The following FMN1 variants were observed in gnomAD, a reference collection of about 807,000 sequenced individuals.
FMN1 encodes the protein formin 1.
A neutral mutation model predicts 132.4 loss-of-function variants in FMN1; 110 were observed. The observed-to-expected ratio is 0.83, with a 90% confidence interval of 0.71 to 0.97. The LOEUF is 0.97. Ranked by LOEUF, FMN1 falls within the 50% of genes least tolerant of loss-of-function variation. The pLI is 0.00. For missense variants in FMN1, 1,792 were observed against 1,705.3 expected, an observed-to-expected ratio of 1.05 and a Z score of -0.90; for synonymous variants, 722 against 651.7, an observed-to-expected ratio of 1.11 and a Z score of -1.64.
intron 7 of FMN1, among the ~76,000 whole-genome samples, chr15:33,002,229 G>C (rs2034159053): frequency 6.6e-6 from 1 of 152,108 alleles, no homozygotes; most frequent in African/African-American, 2.4e-5. Flanking sequence ...TTCTAGAAAG[G>C]CATGTTGAAG....
At chr15:32,793,298 T>A (rs1414063743) in intron 19 of FMN1, among the ~76,000 whole-genome samples, 1 of 152,076 alleles carries the variant, frequency 6.6e-6, no homozygotes, top group Non-Finnish European at 1.5e-5. Context: ...CTTTTTTTTT[T>A]AAAGACAGTC....
intron 5 of FMN1, among the ~76,000 whole-genome samples, chr15:33,075,159 G>T (rs2038159010): frequency 6.6e-6 from 1 of 151,620 alleles, no homozygotes; most frequent in South Asian, 2.1e-4. Flanking sequence ...CTGGAAACTG[G>T]TAAGAACAGT....
intron 9 of FMN1, among the ~76,000 whole-genome samples, chr15:32,930,260 T>TACAG (rs1245538976): frequency 1.3e-5 from 2 of 152,144 alleles, no homozygotes; most frequent in African/African-American, 4.8e-5. Context: ...ATGCTGGGAT[T>TACAG]ACAGGCGTGA....
chr15:33,001,537 T>G, intron 7 of FMN1, among the ~76,000 whole-genome samples: 1 of 145,734 alleles, frequency 6.9e-6, no homozygotes. Context: ...TCCAAGTGCG[T>G]CCCCCCTCAT....
rs151336503 is a variant in FMN1 at position 33,013,691 on chromosome 15, A to C, written c.2162-5616T>G. 3.5e-3 allele frequency among the ~76,000 whole-genome samples: 534 copies of C among 152,344 alleles called. 5 individuals are homozygous for C. Among genetic ancestry groups the C allele is most frequent in the African/African-American group, 0.012 (505 of 41,576 alleles). The stretch of plus-strand genomic sequence containing the variant: ...AGAACATCTGAATTCATAAAATAAG[A>C]AGCAGAAAGTGACTTAGTAAGTTTA... On this transcript the variant is annotated intron_variant, in intron 6 of 20. Transcript: ENST00000616417.
At chr15:32,893,241 T>C (rs11072039) in intron 15 of FMN1, among the ~76,000 whole-genome samples, 28,605 of 152,246 alleles carry the variant, frequency 0.19, 2,841 homozygotes, top group East Asian at 0.22. Flanking sequence ...CTCATCTGAG[T>C]GCCAAGATGG....
intron 9 of FMN1, among the ~76,000 whole-genome samples, chr15:32,937,064 C>T (rs1015471913): frequency 6.6e-6 from 1 of 152,282 alleles, no homozygotes; most frequent in South Asian, 2.1e-4. Context: ...CGACTTTTTC[C>T]TTCTCCAAGG....
intron 17 of FMN1, among the ~76,000 whole-genome samples, chr15:32,849,430 T>C (rs897078520): frequency 6.6e-6 from 1 of 152,126 alleles, no homozygotes; most frequent in Non-Finnish European, 1.5e-5. Flanking sequence ...CTTAAACATA[T>C]ACATTAGGGA....
chr15:33,109,061 ACC>A (rs879490863), intron 4 of FMN1, among the ~76,000 whole-genome samples: 337 of 152,206 alleles, frequency 2.2e-3, no homozygotes, highest in Non-Finnish European at 3.9e-3. Context: ...TCATAACTTT[ACC>A]ATTTATAACC....
intron 19 of FMN1, among the ~76,000 whole-genome samples, chr15:32,785,008 C>CT: frequency 6.6e-6 from 1 of 151,518 alleles, no homozygotes; most frequent in East Asian, 1.9e-4. Flanking sequence ...CTGCAATTAA[C>CT]TTTTTTTGGA....
chr15:32,917,197 G>A (rs1639200652), intron 10 of FMN1, among the ~76,000 whole-genome samples: 1 of 152,214 alleles, frequency 6.6e-6, no homozygotes, highest in African/African-American at 2.4e-5. Flanking sequence ...ACCACTCGGA[G>A]GCAAGGCCAG....
chr15:33,102,606 T>C (rs887393378), intron 4 of FMN1, among the ~76,000 whole-genome samples: 4 of 152,184 alleles, frequency 2.6e-5, no homozygotes, highest in Admixed American at 1.3e-4. Context: ...ATTTAAATGA[T>C]ATTGGGTATT....
At chr15:32,866,380 T>C (rs1172580260) in intron 16 of FMN1, among the ~76,000 whole-genome samples, 1 of 152,132 alleles carries the variant, frequency 6.6e-6, no homozygotes, top group Non-Finnish European at 1.5e-5. Context: ...TTGTGAGGAC[T>C]AAATAAACAT....
intron 6 of FMN1, among the ~76,000 whole-genome samples, chr15:33,021,760 T>C (rs1596489599): frequency 6.6e-6 from 1 of 152,214 alleles, no homozygotes; most frequent in Non-Finnish European, 1.5e-5. Flanking sequence ...CCCTGTTCTT[T>C]TCTGTTACCC....
rs188379853 is a variant in FMN1, at chr15:32,801,613, A to C, written c.3981-2660T>G. Among the ~76,000 whole-genome samples the C allele has an allele frequency of 4.6e-3, 689 of 150,810 alleles. 13 individuals carry two copies. Among genetic ancestry groups the C allele is most frequent in the South Asian group, 0.021 (102 of 4,808 alleles). On this transcript the variant is annotated intron_variant, in intron 18 of 20. Transcript: ENST00000616417. ...AACCCCATCTCTACTAAAAACAAAAACAAAAAAACAAAAACAAACAAACAA... is the reference window on the plus strand; with the variant it reads ...AACCCCATCTCTACTAAAAACAAAACCAAAAAAACAAAAACAAACAAACAA...
At chr15:32,984,736 T>C (rs1260509678) in intron 7 of FMN1, among the ~76,000 whole-genome samples, 1 of 152,034 alleles carries the variant, frequency 6.6e-6, no homozygotes, top group African/African-American at 2.4e-5. Flanking sequence ...TGTGGCTAAG[T>C]GAAATTCAAC....
At chr15:33,187,859 T>C (rs949340067) in intron 2 of FMN1, among the ~76,000 whole-genome samples, 1 of 152,152 alleles carries the variant, frequency 6.6e-6, no homozygotes, top group Non-Finnish European at 1.5e-5. Context: ...AAGAGATAAT[T>C]TTCATATACC....
intron 4 of FMN1, among the ~76,000 whole-genome samples, chr15:33,094,591 T>A (rs2141381865): frequency 6.6e-6 from 1 of 152,236 alleles, no homozygotes; most frequent in Admixed American, 6.5e-5. Context: ...CTCCTCAGGG[T>A]CGTTCATAGA....
At chr15:33,038,045 A>T (rs2036265693) in intron 6 of FMN1, among the ~76,000 whole-genome samples, 2 of 152,202 alleles carry the variant, frequency 1.3e-5, no homozygotes, top group South Asian at 4.1e-4. Flanking sequence ...CAACACGGTA[A>T]AACCCCATCT....
Sources: gnomAD v4.1 joint callset for allele counts (sites outside exome capture counted in the v4.1 genomes callset) on GRCh38, gnomAD v4.1.1 for gene constraint, MANE v1.5 for transcripts, NCBI Gene and HGNC (gene_info 2026-07-23, HGNC 2026-07-21) for gene names.